Variants in CSMD1 observed in about 807,000 individuals in gnomAD.
CSMD1 encodes CUB and sushi domain-containing protein 1.
Under a neutral mutation model 417.5 loss-of-function variants are expected in CSMD1, and 213 were observed. The ratio of observed to expected loss-of-function variants is 0.51; its 90% CI spans 0.46 to 0.57. The LOEUF (loss-of-function observed/expected upper bound fraction) is 0.57, where lower values mean the gene tolerates loss of function less well. CSMD1 is among the 20% of genes least tolerant of loss of function. The pLI, the probability that CSMD1 is intolerant of heterozygous loss-of-function variation, is 0.00. For missense variants in CSMD1, 6,923 were observed against 4,529.7 expected, an observed-to-expected ratio of 1.53 and a Z score of -15.17; for synonymous variants, 2,862 against 1,736.8, an observed-to-expected ratio of 1.65 and a Z score of -16.11.
At chr8:4,728,033 T>G (rs1809584264) in intron 1 of CSMD1, among the ~76,000 whole-genome samples, 1 of 146,492 alleles carries the variant, frequency 6.8e-6, no homozygotes. Flanking sequence ...TTTTTCTATT[T>G]TTTTGGTTTA....
In CSMD1 at chr8:4,191,252, A is replaced by T. The variant is rs13276681; in HGVS notation, c.416-159153T>A. Reference sequence around the variant, plus strand: ...TGTACTAAAAACACAAAAAATTAGCAGGGCATGGTGGCAGGCACCTGTAGT... The same window carrying T: ...TGTACTAAAAACACAAAAAATTAGCTGGGCATGGTGGCAGGCACCTGTAGT... On this transcript the variant is annotated intron_variant, in intron 3 of 69. Coordinates refer to ENST00000635120, the MANE Select transcript of CSMD1 (RefSeq NM_033225.6). Among the ~76,000 whole-genome samples the T allele has an allele frequency of 7.9e-5, 12 of 151,842 alleles. No homozygotes were observed. In the East Asian group the frequency reaches 9.8e-4, roughly 12 times the overall value.
At chr8:3,671,884 G>A (rs1436448212) in intron 7 of CSMD1, among the ~76,000 whole-genome samples, 2 of 152,010 alleles carry the variant, frequency 1.3e-5, no homozygotes, top group Non-Finnish European at 2.9e-5. Context: ...GGGAGATGGG[G>A]CACCCACCCT....
chr8:3,721,388 G>C (rs931633071), intron 6 of CSMD1, among the ~76,000 whole-genome samples: 22 of 152,080 alleles, frequency 1.4e-4, no homozygotes, highest in Admixed American at 9.2e-4. Flanking sequence ...TCTAGCCCAG[G>C]TTTTTAGGAT....
intron 65 of CSMD1, among the ~76,000 whole-genome samples, chr8:2,953,918 T>TAC (rs560755647): frequency 1.3e-3 from 194 of 152,370 alleles, no homozygotes; most frequent in African/African-American, 4.3e-3. Context: ...CTCTCCATTA[T>TAC]ACCACATGGA....
intron 10 of CSMD1, among the ~76,000 whole-genome samples, chr8:3,524,316 C>G (rs1052118767): frequency 6.6e-6 from 1 of 151,156 alleles, no homozygotes; most frequent in Non-Finnish European, 1.5e-5. Context: ...GAGACATATG[C>G]ACACATAAAC....
At chr8:3,290,607 C>G (rs1031792995) in intron 25 of CSMD1, among the ~76,000 whole-genome samples, 2 of 146,908 alleles carry the variant, frequency 1.4e-5, no homozygotes, top group Non-Finnish European at 2.9e-5. Flanking sequence ...GGAGTTCACT[C>G]ATGATTTGGC....
At chr8:4,059,259 A>C (rs1259017895) in intron 3 of CSMD1, among the ~76,000 whole-genome samples, 2 of 152,176 alleles carry the variant, frequency 1.3e-5, no homozygotes, top group Admixed American at 6.5e-5. Context: ...AGAAAGACAC[A>C]ACATACCAGA....
intron 10 of CSMD1, among the ~76,000 whole-genome samples, chr8:3,511,631 G>C (rs560212863): frequency 1.3e-5 from 2 of 151,284 alleles, no homozygotes; most frequent in Admixed American, 6.6e-5. Context: ...GGTAGCAGAT[G>C]TCTGTGATCC....
intron 3 of CSMD1, among the ~76,000 whole-genome samples, chr8:4,032,647 A>G (rs1300045642): frequency 6.6e-6 from 1 of 152,238 alleles, no homozygotes; most frequent in Non-Finnish European, 1.5e-5. Flanking sequence ...GCATTGATCC[A>G]TCAATGTATA....
At chr8:4,654,201 G>A (rs988599368) in intron 1 of CSMD1, among the ~76,000 whole-genome samples, 3 of 151,982 alleles carry the variant, frequency 2.0e-5, no homozygotes, top group African/African-American at 7.3e-5. Flanking sequence ...GGAGTAGTCT[G>A]GATCTAGTAA....
chr8:3,804,997 C>T (rs540122763), intron 5 of CSMD1, among the ~76,000 whole-genome samples: 3 of 152,282 alleles, frequency 2.0e-5, no homozygotes, highest in East Asian at 1.9e-4. Context: ...TCACAGTTCA[C>T]TTCTTCTGGT....
intron 3 of CSMD1, among the ~76,000 whole-genome samples, chr8:4,295,750 G>GTGTATATATATATA (rs1175477762): frequency 2.9e-5 from 1 of 34,238 alleles, no homozygotes; most frequent in South Asian, 2.6e-3. Context: ...ATGTGTGTGT[G>GTGTATATATATATA]TATATATATA....
At chr8:3,296,680 C>A (rs557490584) in intron 25 of CSMD1, among the ~76,000 whole-genome samples, 5 of 152,058 alleles carry the variant, frequency 3.3e-5, no homozygotes, top group Non-Finnish European at 5.9e-5. Context: ...GTCCTGGATA[C>A]GTTTTGAAGG....
At chr8:3,297,920 T>A (rs547659144) in intron 25 of CSMD1, among the ~76,000 whole-genome samples, 10 of 151,858 alleles carry the variant, frequency 6.6e-5, no homozygotes, top group African/African-American at 2.4e-4. Flanking sequence ...CATTTCAGTA[T>A]AAAAAAATGG....
At chr8:4,040,792 T>A (rs920427995) in intron 3 of CSMD1, among the ~76,000 whole-genome samples, 1 of 152,152 alleles carries the variant, frequency 6.6e-6, no homozygotes, top group African/African-American at 2.4e-5. Flanking sequence ...AGAGACTAGA[T>A]TTTCAAAAGA....
rs112299708 is a variant in CSMD1 at position 3,281,394 on chromosome 8, A to C, written c.4153+2750T>G. On this transcript the variant is annotated intron_variant, in intron 26 of 69. Transcript: ENST00000635120. ...AGGAGGCAGAGGCTCCAGTGAGCCA[A>C]GATCATGCCACTGCACTCCAGCCTG... is the stretch of plus-strand genomic sequence containing the variant. 2.2e-3 allele frequency among the ~76,000 whole-genome samples: 328 copies of C among 152,284 alleles called. 1 individual carries two copies. Among genetic ancestry groups the C allele is most frequent in the African/African-American group, 7.3e-3 (302 of 41,562 alleles).
intron 1 of CSMD1, among the ~76,000 whole-genome samples, chr8:4,793,437 A>C (rs969152095): frequency 6.6e-6 from 1 of 151,844 alleles, no homozygotes; most frequent in Admixed American, 6.6e-5. Flanking sequence ...CCAGCTCTTT[A>C]TCACTTTCTC....
At chr8:3,284,661 T>G in intron 25 of CSMD1, 2 of 298,908 alleles carry the variant, frequency 6.7e-6, no homozygotes, top group Non-Finnish European at 1.3e-5. Context: ...ATTTAAGCTT[T>G]CTACGGCACA....
intron 1 of CSMD1, among the ~76,000 whole-genome samples, chr8:4,924,845 GA>G (rs775196010): frequency 1.1e-4 from 16 of 151,480 alleles, no homozygotes; most frequent in Non-Finnish European, 1.9e-4. Flanking sequence ...TACAGTTCGG[GA>G]AGAAAATATG....
Sources: gnomAD v4.1 joint callset for allele counts (sites outside exome capture counted in the v4.1 genomes callset) on GRCh38, gnomAD v4.1.1 for gene constraint, MANE v1.5 for transcripts, NCBI Gene and HGNC (gene_info 2026-07-23, HGNC 2026-07-21) for gene names.